Variants in DCAF8L2 observed in about 807,000 individuals in gnomAD.
DCAF8L2 encodes DDB1 and CUL4 associated factor 8 like 2.
For synonymous variants in DCAF8L2, 200 were observed against 190.9 expected, an observed-to-expected ratio of 1.05 and a Z score of -0.39; for missense variants, 430 against 490.7, an observed-to-expected ratio of 0.88 and a Z score of 1.17.
At chrX:27,559,076 C>T in the DCAF8L2 span, among the ~76,000 whole-genome samples, 1 of 110,633 alleles carries the variant, frequency 9.0e-6, no homozygotes, top group Non-Finnish European at 1.9e-5. Flanking sequence ...CCCCTTTAGC[C>T]TCTGCCATGA....
At chrX:27,742,182 A>C (rs1412986944) in intron 4 of DCAF8L2, among the ~76,000 whole-genome samples, 1 of 111,635 alleles carries the variant, frequency 9.0e-6, no homozygotes, top group African/African-American at 3.3e-5. Context: ...AATCTCTCTA[A>C]GAGGATCTTT....
chrX:27,492,039 G>T, the DCAF8L2 span, among the ~76,000 whole-genome samples: 1 of 112,050 alleles, frequency 8.9e-6, no homozygotes, highest in Non-Finnish European at 1.9e-5. Context: ...CTATAACAAA[G>T]GGAAACCTTG....
chrX:27,694,739 T>A (rs1236178651), intron 3 of DCAF8L2, among the ~76,000 whole-genome samples: 13 of 112,068 alleles, frequency 1.2e-4, no homozygotes, highest in African/African-American at 4.2e-4. Flanking sequence ...TAAAATAATA[T>A]TCATAGAAAA....
At chrX:27,630,365 G>A (rs1239581007) in intron 1 of DCAF8L2, among the ~76,000 whole-genome samples, 2 of 111,560 alleles carry the variant, frequency 1.8e-5, no homozygotes, top group Non-Finnish European at 3.8e-5. Context: ...TAAGGAGGTT[G>A]AATCAACAAT....
At chrX:27,479,974 T>C in the DCAF8L2 span, among the ~76,000 whole-genome samples, 1 of 112,144 alleles carries the variant, frequency 8.9e-6, no homozygotes, top group East Asian at 2.8e-4. Flanking sequence ...TTTGTGCTTA[T>C]GTGCATTTTT....
chrX:27,663,165 A>G (rs192621635), intron 2 of DCAF8L2, among the ~76,000 whole-genome samples: 2 of 112,117 alleles, frequency 1.8e-5, no homozygotes, highest in Admixed American at 9.5e-5. Flanking sequence ...GCAGTTCACA[A>G]TGGTATCCCA....
chrX:27,527,969 A>T, the DCAF8L2 span, among the ~76,000 whole-genome samples: 1,979 of 107,192 alleles, frequency 0.018, 27 homozygotes, highest in Non-Finnish European at 0.031. Context: ...TGGAATTATT[A>T]AATTCCAATT....
intron 4 of DCAF8L2, among the ~76,000 whole-genome samples, chrX:27,726,194 TA>T (rs1370271841): frequency 7.2e-5 from 8 of 111,575 alleles, no homozygotes; most frequent in Non-Finnish European, 5.7e-5. Context: ...GCAAAGTGAT[TA>T]TTTTCCCCCC....
At chrX:27,619,181 G>T (rs1167496881) in intron 1 of DCAF8L2, among the ~76,000 whole-genome samples, 1 of 111,359 alleles carries the variant, frequency 9.0e-6, no homozygotes, top group Non-Finnish European at 1.9e-5. Context: ...AAGAAAGTAT[G>T]ACAATGTTTT....
chrX:27,546,164 C>T, the DCAF8L2 span, among the ~76,000 whole-genome samples: 3 of 107,771 alleles, frequency 2.8e-5, no homozygotes, highest in Non-Finnish European at 5.9e-5. Flanking sequence ...TTGGCCAAAA[C>T]GAAGGGGATA....
chrX:27,504,666 G>T, the DCAF8L2 span, among the ~76,000 whole-genome samples: 3 of 111,493 alleles, frequency 2.7e-5, no homozygotes, highest in South Asian at 1.1e-3. Flanking sequence ...ACCACTCATG[G>T]AGTGGATATG....
At chrX:27,591,071 A>G (rs1475309749) in intron 1 of DCAF8L2, among the ~76,000 whole-genome samples, 1 of 104,351 alleles carries the variant, frequency 9.6e-6, no homozygotes, top group African/African-American at 3.4e-5. Flanking sequence ...TCATATAAGC[A>G]TACCAGTAGG....
chrX:27,523,985 A>G, the DCAF8L2 span, among the ~76,000 whole-genome samples: 1 of 111,813 alleles, frequency 8.9e-6, no homozygotes, highest in African/African-American at 3.3e-5. Flanking sequence ...TTGGTCTAAA[A>G]GTCTCTTTCG....
intron 1 of DCAF8L2, among the ~76,000 whole-genome samples, chrX:27,624,285 A>G (rs1241374667): frequency 9.0e-6 from 1 of 111,252 alleles, no homozygotes; most frequent in East Asian, 2.8e-4. Context: ...TTGTTAGAAG[A>G]CCTCACAGAA....
the DCAF8L2 span, among the ~76,000 whole-genome samples, chrX:27,502,698 C>T: frequency 1.8e-5 from 2 of 110,285 alleles, no homozygotes; most frequent in Non-Finnish European, 3.8e-5. Context: ...CATTTGTTTT[C>T]TTGTCCCCTA....
chrX:27,526,846 G>A, the DCAF8L2 span, among the ~76,000 whole-genome samples: 17 of 112,534 alleles, frequency 1.5e-4, no homozygotes, highest in Non-Finnish European at 2.4e-4. Flanking sequence ...AGCGAATATT[G>A]CTGAACAGCA....
intron 2 of DCAF8L2, among the ~76,000 whole-genome samples, chrX:27,647,629 C>T (rs1291903024): frequency 9.0e-6 from 1 of 111,227 alleles, no homozygotes; most frequent in Non-Finnish European, 1.9e-5. Context: ...ATCCAAGAGA[C>T]TGGCACCTTT....
At chrX:27,621,020 T>A (rs1046015147) in intron 1 of DCAF8L2, among the ~76,000 whole-genome samples, 5 of 112,095 alleles carry the variant, frequency 4.5e-5, no homozygotes, top group African/African-American at 1.6e-4. Flanking sequence ...TGCTACAACA[T>A]GGATGAATCT....
the DCAF8L2 span, among the ~76,000 whole-genome samples, chrX:27,546,435 G>A: frequency 2.7e-5 from 3 of 111,649 alleles, no homozygotes; most frequent in Non-Finnish European, 3.8e-5. Flanking sequence ...TCTGGAGAAC[G>A]GTGTCCCTCT....
Sources: gnomAD v4.1 joint callset for allele counts (sites outside exome capture counted in the v4.1 genomes callset) on GRCh38, gnomAD v4.1.1 for gene constraint, MANE v1.5 for transcripts, NCBI Gene and HGNC (gene_info 2026-07-23, HGNC 2026-07-21) for gene names.